Variants in CLSTN2 observed in about 807,000 individuals in gnomAD.
CLSTN2 encodes calsyntenin-2.
Under a neutral mutation model 101.2 loss-of-function variants are expected in CLSTN2, and 48 were observed. That is an observed-to-expected ratio of 0.47 (90% CI 0.38 to 0.60). The LOEUF (loss-of-function observed/expected upper bound fraction) is 0.60, where lower values mean the gene tolerates loss of function less well. CLSTN2 is among the 20% of genes least tolerant of loss of function. CLSTN2 has a pLI of 0.00. For synonymous variants in CLSTN2, 481 were observed against 463.6 expected (o/e 1.04, Z -0.48); for missense variants, 1,160 against 1,238.2 (o/e 0.94, Z 0.95).
intron 2 of CLSTN2, among the ~76,000 whole-genome samples, chr3:140,324,191 A>C (rs1457814186): frequency 6.6e-6 from 1 of 152,220 alleles, no homozygotes. Context: ...CAGTTGATGG[A>C]GGGCTCAGTT....
At chr3:140,396,958 A>G (rs2088189893) in intron 2 of CLSTN2, among the ~76,000 whole-genome samples, 1 of 152,178 alleles carries the variant, frequency 6.6e-6, no homozygotes, top group South Asian at 2.1e-4. Flanking sequence ...ATTATTAAAG[A>G]TTCTCAAGAG....
intron 2 of CLSTN2, among the ~76,000 whole-genome samples, chr3:140,394,619 C>A (rs935423231): frequency 8.9e-6 from 1 of 112,614 alleles, no homozygotes; most frequent in African/African-American, 2.9e-5. Flanking sequence ...TGCAGTACTT[C>A]ATTGCACTTA....
intron 1 of CLSTN2, among the ~76,000 whole-genome samples, chr3:139,959,831 CAGA>C (rs1935473097): frequency 6.6e-6 from 1 of 152,162 alleles, no homozygotes; most frequent in Non-Finnish European, 1.5e-5. Flanking sequence ...GCTTCAGACA[CAGA>C]ATGTCACTAT....
At chr3:140,119,205 G>T (rs1336183780) in intron 1 of CLSTN2, among the ~76,000 whole-genome samples, 1 of 152,186 alleles carries the variant, frequency 6.6e-6, no homozygotes, top group Non-Finnish European at 1.5e-5. Context: ...TCCTAGATTA[G>T]AAGCAGAAAA....
intron 1 of CLSTN2, among the ~76,000 whole-genome samples, chr3:140,104,838 GTGATGCA>G (rs1403717437): frequency 2.0e-5 from 3 of 152,216 alleles, no homozygotes; most frequent in Non-Finnish European, 4.4e-5. Flanking sequence ...GCCAGGCATG[GTGATGCA>G]TGCATGACTG....
rs562606504 is a variant in CLSTN2, at chr3:140,365,112, G to A, written c.233-38517G>A. 6.4e-4 allele frequency among the ~76,000 whole-genome samples: 97 copies of A among 152,314 alleles called. 1 individual carries two copies. Among genetic ancestry groups the A allele is most frequent in the African/African-American group, 2.3e-3 (94 of 41,574 alleles). ...TGTGAGTTAGCAGGAAAACAGGGAAGAAAAGGGAGCATCCCAAACGGAGAA... is the reference window on the plus strand; with the variant it reads ...TGTGAGTTAGCAGGAAAACAGGGAAAAAAAGGGAGCATCCCAAACGGAGAA... On this transcript the variant is annotated intron_variant, in intron 2 of 16. Coordinates refer to ENST00000458420, the MANE Select transcript of CLSTN2 (RefSeq NM_022131.3).
intron 1 of CLSTN2, among the ~76,000 whole-genome samples, chr3:140,035,452 T>C (rs2007635084): frequency 6.6e-6 from 1 of 152,238 alleles, no homozygotes; most frequent in Non-Finnish European, 1.5e-5. Context: ...TAGCAGCCAA[T>C]GTGAGCACAA....
chr3:140,021,166 A>G (rs959887461), intron 1 of CLSTN2, among the ~76,000 whole-genome samples: 32 of 152,212 alleles, frequency 2.1e-4, no homozygotes, highest in Non-Finnish European at 2.9e-5. Flanking sequence ...TGGGGGAAGC[A>G]TCATTGCTAG....
intron 8 of CLSTN2, among the ~76,000 whole-genome samples, chr3:140,481,989 A>T (rs1934127168): frequency 6.6e-6 from 1 of 152,160 alleles, no homozygotes; most frequent in Admixed American, 6.5e-5. Context: ...CACTATGTTG[A>T]ATAGGAGTGG....
At chr3:140,561,364 T>A (rs1055084237) in intron 12 of CLSTN2, among the ~76,000 whole-genome samples, 1 of 152,180 alleles carries the variant, frequency 6.6e-6, no homozygotes, top group African/African-American at 2.4e-5. Context: ...GATGGGATTT[T>A]AATTTAGGAC....
At chr3:140,025,163 C>G (rs542551268) in intron 1 of CLSTN2, among the ~76,000 whole-genome samples, 1 of 152,276 alleles carries the variant, frequency 6.6e-6, no homozygotes, top group South Asian at 2.1e-4. Context: ...AAAAGTGACC[C>G]CAGCATTGTT....
intron 1 of CLSTN2, among the ~76,000 whole-genome samples, chr3:140,088,982 A>G (rs1047684502): frequency 2.6e-5 from 4 of 151,954 alleles, no homozygotes; most frequent in Admixed American, 6.6e-5. Context: ...AAAAAAATGC[A>G]TGTAAAAAAA....
intron 8 of CLSTN2, among the ~76,000 whole-genome samples, chr3:140,526,643 C>CAA (rs78227756): frequency 2.3e-4 from 30 of 131,996 alleles, no homozygotes; most frequent in African/African-American, 6.7e-4. Context: ...ACAACAACAA[C>CAA]AAAAAAAAAA....
At chr3:140,057,011 G>A (rs1303826644) in intron 1 of CLSTN2, among the ~76,000 whole-genome samples, 2 of 152,130 alleles carry the variant, frequency 1.3e-5, no homozygotes, top group Non-Finnish European at 2.9e-5. Flanking sequence ...CCTGCACAGG[G>A]ATTTCTCACG....
At chr3:140,309,825 A>G (rs1470839024) in intron 2 of CLSTN2, among the ~76,000 whole-genome samples, 2 of 144,434 alleles carry the variant, frequency 1.4e-5, no homozygotes, top group African/African-American at 5.1e-5. Context: ...TTGGCCCTGA[A>G]CTTCCAATCT....
intron 1 of CLSTN2, among the ~76,000 whole-genome samples, chr3:139,960,314 A>G (rs1935485391): frequency 6.6e-6 from 1 of 151,942 alleles, no homozygotes; most frequent in Non-Finnish European, 1.5e-5. Context: ...TCTCTTTCTC[A>G]CCCTGGTTCA....
In CLSTN2 at chr3:140,417,525, C is replaced by T. The variant is rs546860144; in HGVS notation, c.638-3600C>T. On this transcript the variant is annotated intron_variant, in intron 4 of 16. Transcript: ENST00000458420. Reference sequence around the variant, plus strand: ...TGTTGGTCAGTATGTCTGTTTTATCCCCTCAGCCCCCACTCTCCGAGTTTA... The same window carrying T: ...TGTTGGTCAGTATGTCTGTTTTATCTCCTCAGCCCCCACTCTCCGAGTTTA... Among the ~76,000 whole-genome samples the T allele has an allele frequency of 1.1e-4, 17 of 152,108 alleles. 1 individual carries two copies. The South Asian group carries it at 3.5e-3, about 32-fold the overall frequency.
intron 1 of CLSTN2, among the ~76,000 whole-genome samples, chr3:139,955,346 G>A (rs1044377417): frequency 1.3e-5 from 2 of 151,744 alleles, no homozygotes; most frequent in African/African-American, 4.8e-5. Flanking sequence ...TGGCTCAAGA[G>A]GCTGTTGTAA....
chr3:140,552,433 C>T (rs369685997), intron 10 of CLSTN2, among the ~76,000 whole-genome samples: 80 of 151,720 alleles, frequency 5.3e-4, no homozygotes, highest in Middle Eastern at 3.4e-3. Context: ...CACCCAAAAC[C>T]TGCTCTGGAG....
Sources: gnomAD v4.1 joint callset for allele counts (sites outside exome capture counted in the v4.1 genomes callset) on GRCh38, gnomAD v4.1.1 for gene constraint, MANE v1.5 for transcripts, NCBI Gene and HGNC (gene_info 2026-07-23, HGNC 2026-07-21) for gene names.